QPCT: variants seen among roughly 807,000 people sequenced by gnomAD.
QPCT encodes glutaminyl-peptide cyclotransferase.
Under a neutral mutation model 43.4 loss-of-function variants are expected in QPCT, and 44 were observed. That is an observed-to-expected ratio of 1.01 (90% CI 0.80 to 1.30). The LOEUF (loss-of-function observed/expected upper bound fraction) is 1.30, where lower values mean the gene tolerates loss of function less well. Among genes scored for constraint, QPCT ranks in the 50% most tolerant of loss-of-function variants. The pLI is 0.00. For missense variants in QPCT, 526 were observed against 436.5 expected (o/e 1.21, Z -1.83); for synonymous variants, 168 against 168.4 (o/e 1.00, Z 0.02).
intron 5 of QPCT, among the ~76,000 whole-genome samples, chr2:37,370,606 GTC>G (rs1393320048): frequency 6.6e-6 from 1 of 151,860 alleles, no homozygotes; most frequent in Non-Finnish European, 1.5e-5. Flanking sequence ...ATCTAGTACA[GTC>G]TCTGCCAATT....
chr2:37,361,075 C>CAA lies in QPCT; in HGVS notation c.546+1218_546+1219insAA, dbSNP rs1672850138. On this transcript the variant is annotated intron_variant, in intron 3 of 6. Coordinates refer to ENST00000338415, the MANE Select transcript of QPCT (RefSeq NM_012413.4). ...GAATGAGTTATTGGATTGGGGTCAT[C>CAA]ATTAAAAAAATTTGAATCAACATAT... is the stretch of plus-strand genomic sequence containing the variant. Among the ~76,000 whole-genome samples the CAA allele has an allele frequency of 3.2e-4, 49 of 152,116 alleles. No individual in the cohort carries two copies. The South Asian group carries it at 9.8e-3, about 30-fold the overall frequency.
intron 5 of QPCT, among the ~76,000 whole-genome samples, chr2:37,371,562 T>A (rs533274201): frequency 6.6e-6 from 1 of 151,846 alleles, no homozygotes; most frequent in African/African-American, 2.4e-5. Flanking sequence ...TCATATTACA[T>A]ATGATTGATT....
intron 3 of QPCT, among the ~76,000 whole-genome samples, chr2:37,360,479 G>GA (rs1053410104): frequency 1.3e-5 from 2 of 151,962 alleles, no homozygotes; most frequent in Non-Finnish European, 2.9e-5. Context: ...GGGTATATTG[G>GA]AAAAAAGTGC....
At chr2:37,354,290 A>T (rs1672695051) in intron 2 of QPCT, among the ~76,000 whole-genome samples, 1 of 152,158 alleles carries the variant, frequency 6.6e-6, no homozygotes, top group African/African-American at 2.4e-5. Context: ...AAGGAATTAG[A>T]CGGTAGACAC....
chr2:37,364,599 C>A (rs1672918570), intron 3 of QPCT, among the ~76,000 whole-genome samples: 1 of 152,158 alleles, frequency 6.6e-6, no homozygotes, highest in Non-Finnish European at 1.5e-5. Flanking sequence ...GCAGGACGAA[C>A]TGGATTGCGA....
At chr2:37,349,525 T>C (rs1421575173) in intron 1 of QPCT, among the ~76,000 whole-genome samples, 3 of 152,362 alleles carry the variant, frequency 2.0e-5, no homozygotes, top group African/African-American at 4.8e-5. Context: ...CGTTTCACTC[T>C]GGACATGGAG....
rs533041797 is a variant in QPCT at position 37,348,213 on chromosome 2, A to G, written c.120+3362A>G. Among the ~76,000 whole-genome samples, 73 of 152,196 alleles carry G rather than the reference A, an allele frequency of 4.8e-4. 1 individual carries two copies. Among genetic ancestry groups the G allele is most frequent in the African/African-American group, 1.7e-3 (70 of 41,528 alleles). On this transcript the variant is annotated intron_variant, in intron 1 of 6. Transcript: ENST00000338415. ...CAAAATGTCATTTTGGAGCCTTACCATCTAGTTGGTAAGTATCATGAGATC... is the reference window on the plus strand; with the variant it reads ...CAAAATGTCATTTTGGAGCCTTACCGTCTAGTTGGTAAGTATCATGAGATC...
At chr2:37,359,490 G>C (rs1672819354) in intron 2 of QPCT, 90 bp from the exon 3 acceptor site, 1 of 1,234,738 alleles carries the variant, frequency 8.1e-7, no homozygotes, top group Non-Finnish European at 1.1e-6. Context: ...ATTTTAATTT[G>C]AAAGGCACTA....
intron 2 of QPCT, 103 bp from the exon 3 acceptor site, chr2:37,359,477 C>A: frequency 9.3e-7 from 1 of 1,077,366 alleles, no homozygotes; most frequent in Non-Finnish European, 1.3e-6. Flanking sequence ...AGTGTGTATT[C>A]CAATTTTAAT....
At chr2:37,354,857 C>T (rs575662857) in intron 2 of QPCT, among the ~76,000 whole-genome samples, 1 of 152,122 alleles carries the variant, frequency 6.6e-6, no homozygotes, top group East Asian at 1.9e-4. Context: ...GCCCAGAGCG[C>T]TGTATATAAC....
At chr2:37,354,550 A>C (rs915103348) in intron 2 of QPCT, among the ~76,000 whole-genome samples, 1 of 152,218 alleles carries the variant, frequency 6.6e-6, no homozygotes, top group Non-Finnish European at 1.5e-5. Flanking sequence ...TGTTGAGGCC[A>C]GAATCCACTT....
intron 2 of QPCT, among the ~76,000 whole-genome samples, chr2:37,359,251 G>A (rs1055022245): frequency 1.3e-5 from 2 of 152,140 alleles, no homozygotes; most frequent in Non-Finnish European, 2.9e-5. Flanking sequence ...GTATGCTACT[G>A]TAGGTTTGCA....
intron 3 of QPCT, among the ~76,000 whole-genome samples, chr2:37,365,079 A>G: frequency 6.8e-6 from 1 of 146,884 alleles, no homozygotes; most frequent in South Asian, 2.1e-4. Context: ...ACAACACAGC[A>G]CACACACACA....
chr2:37,364,536 G>A (rs971047174), intron 3 of QPCT, among the ~76,000 whole-genome samples: 13 of 152,206 alleles, frequency 8.5e-5, no homozygotes, highest in African/African-American at 3.1e-4. Context: ...AGAAAACAAA[G>A]CAAATGAAAG....
intron 1 of QPCT, among the ~76,000 whole-genome samples, chr2:37,347,551 G>A (rs1672530842): frequency 6.6e-6 from 1 of 151,938 alleles, no homozygotes; most frequent in African/African-American, 2.4e-5. Context: ...GACCCTAAAT[G>A]GCATTCTAAA....
At chr2:37,354,109 C>T (rs1400755594) in intron 2 of QPCT, among the ~76,000 whole-genome samples, 1 of 152,262 alleles carries the variant, frequency 6.6e-6, no homozygotes, top group Non-Finnish European at 1.5e-5. Flanking sequence ...CGTGATCCGC[C>T]CGCCTCGGCC....
At chr2:37,362,832 G>T (rs1672878405) in intron 3 of QPCT, among the ~76,000 whole-genome samples, 1 of 152,208 alleles carries the variant, frequency 6.6e-6, no homozygotes, top group Non-Finnish European at 1.5e-5. Context: ...GGGCTGGTGT[G>T]GAGAGTGTTT....
intron 1 of QPCT, among the ~76,000 whole-genome samples, chr2:37,350,137 G>A (rs981084142): frequency 6.6e-6 from 1 of 152,150 alleles, no homozygotes; most frequent in Admixed American, 6.5e-5. Flanking sequence ...GAAGAGGAGG[G>A]GAAACAGCTT....
chr2:37,359,651 A>G lies in QPCT; in HGVS notation c.339A>G (p.Thr113=), dbSNP rs574265490. The change falls in exon 3 of 7, where the codon ACA becomes ACG. Residue 113 remains threonine, a synonymous_variant. Coordinates refer to ENST00000338415, the MANE Select transcript of QPCT (RefSeq NM_012413.4). ...VLEIDTFLSQ[T]PYGYRSFSNI... is the part of the protein sequence containing the mutation. Reference sequence around the variant, plus strand: ...AAATAGACACCTTCTTGAGTCAGACACCCTATGGGTACCGGTCTTTCTCAA... The same window carrying G: ...AAATAGACACCTTCTTGAGTCAGACGCCCTATGGGTACCGGTCTTTCTCAA... 2 of 1,614,112 alleles carry G rather than the reference A, an allele frequency of 1.2e-6. No individual in the cohort carries two copies. Among genetic ancestry groups the G allele is most frequent in the African/African-American group, 1.3e-5 (1 of 75,032 alleles).
Sources: gnomAD v4.1 joint callset for allele counts (sites outside exome capture counted in the v4.1 genomes callset) on GRCh38, gnomAD v4.1.1 for gene constraint, MANE v1.5 for transcripts, NCBI Gene and HGNC (gene_info 2026-07-23, HGNC 2026-07-21) for gene names.